ZMYM4: variants seen among roughly 807,000 people sequenced by gnomAD.
The protein encoded by ZMYM4 is zinc finger MYM-type containing 4.
Under a neutral mutation model 183.2 loss-of-function variants are expected in ZMYM4, and 31 were observed. The observed-to-expected ratio is 0.17, with a 90% CI of 0.13 to 0.23. ZMYM4 has a LOEUF of 0.23. Ranked by LOEUF, ZMYM4 falls within the 10% of genes least tolerant of loss-of-function variation. The pLI is 1.00. For missense variants in ZMYM4, 1,273 were observed against 1,840.3 expected, an observed-to-expected ratio of 0.69 and a Z score of 5.64; for synonymous variants, 592 against 631.2, an observed-to-expected ratio of 0.94 and a Z score of 0.93.
At chr1:35,416,662 C>T (rs529585013) in intron 28 of ZMYM4, among the ~76,000 whole-genome samples, 5 of 152,176 alleles carry the variant, frequency 3.3e-5, no homozygotes, top group African/African-American at 4.8e-5. Flanking sequence ...CTCCCAGGTT[C>T]AAGCAATTCT....
intron 1 of ZMYM4, among the ~76,000 whole-genome samples, chr1:35,273,765 A>G (rs942580031): frequency 2.6e-5 from 4 of 152,220 alleles, no homozygotes; most frequent in Non-Finnish European, 4.4e-5. Context: ...TGTGGAGGAC[A>G]CAGTTTGGGA....
intron 27 of ZMYM4, among the ~76,000 whole-genome samples, chr1:35,414,607 A>G (rs1019614283): frequency 6.6e-6 from 1 of 152,242 alleles, no homozygotes; most frequent in Non-Finnish European, 1.5e-5. Context: ...AATGATCTCC[A>G]ACAGGAGTTT....
chr1:35,344,630 A>G (rs954570902), intron 2 of ZMYM4, among the ~76,000 whole-genome samples: 3 of 151,970 alleles, frequency 2.0e-5, no homozygotes, highest in Non-Finnish European at 2.9e-5. Flanking sequence ...TGTTAATATG[A>G]AGATGAATTT....
intron 21 of ZMYM4, 94 bp downstream of exon 21, chr1:35,398,560 T>C (rs1570524566): frequency 8.5e-7 from 1 of 1,174,804 alleles, no homozygotes; most frequent in Non-Finnish European, 1.2e-6. Flanking sequence ...ATATTTGTAA[T>C]TTTAACTATT....
At chr1:35,372,753 T>G (rs989475973) in intron 7 of ZMYM4, among the ~76,000 whole-genome samples, 1 of 152,258 alleles carries the variant, frequency 6.6e-6, no homozygotes, top group African/African-American at 2.4e-5. Flanking sequence ...AATCTGAAAT[T>G]TAATGCTCCA....
intron 2 of ZMYM4, among the ~76,000 whole-genome samples, chr1:35,354,109 A>G (rs1643727297): frequency 6.6e-6 from 1 of 152,156 alleles, no homozygotes; most frequent in Non-Finnish European, 1.5e-5. Context: ...TGGTCATGCC[A>G]CTGCACTCCA....
intron 4 of ZMYM4, 145 bp downstream of exon 4, chr1:35,361,400 A>G: frequency 1.0e-6 from 1 of 957,156 alleles, no homozygotes; most frequent in Non-Finnish European, 1.5e-6. Context: ...TAAGGTCATC[A>G]TCGGAGACAT....
chr1:35,272,464 C>T (rs1460831145), intron 1 of ZMYM4, among the ~76,000 whole-genome samples: 1 of 152,050 alleles, frequency 6.6e-6, no homozygotes, highest in Non-Finnish European at 1.5e-5. Flanking sequence ...CTTTTTGCGT[C>T]TGGACATCTT....
At chr1:35,334,430 G>C (rs538461889) in intron 2 of ZMYM4, among the ~76,000 whole-genome samples, 1 of 152,258 alleles carries the variant, frequency 6.6e-6, no homozygotes, top group South Asian at 2.1e-4. Flanking sequence ...TTCCCAGTCT[G>C]ATGGATGTAA....
intron 1 of ZMYM4, chr1:35,310,181 C>T (rs1641731233): frequency 6.5e-6 from 1 of 154,612 alleles, no homozygotes; most frequent in Non-Finnish European, 1.4e-5. Context: ...AGTGATCTAC[C>T]TGCCTCGGCC....
At chr1:35,362,328 T>G (rs1369314461) in intron 5 of ZMYM4, among the ~76,000 whole-genome samples, 1 of 152,070 alleles carries the variant, frequency 6.6e-6, no homozygotes, top group Non-Finnish European at 1.5e-5. Flanking sequence ...GTAATAAGAG[T>G]GAAGGTAGAG....
intron 1 of ZMYM4, among the ~76,000 whole-genome samples, chr1:35,321,160 T>C (rs1642264870): frequency 1.3e-5 from 2 of 152,224 alleles, no homozygotes; most frequent in Admixed American, 6.5e-5. Flanking sequence ...TGATTCTTTA[T>C]AGCATTCCCA....
intron 2 of ZMYM4, among the ~76,000 whole-genome samples, chr1:35,354,098 G>A (rs188292917): frequency 2.0e-5 from 3 of 152,112 alleles, no homozygotes; most frequent in South Asian, 2.1e-4. Context: ...GCAATGAGCC[G>A]TGGTCATGCC....
intron 18 of ZMYM4, among the ~76,000 whole-genome samples, chr1:35,393,978 T>G (rs533073937): frequency 6.6e-6 from 1 of 152,134 alleles, no homozygotes; most frequent in Admixed American, 6.5e-5. Flanking sequence ...GTCATTTAAT[T>G]CTCTTATTAA....
chr1:35,319,667 A>G (rs933270511), intron 1 of ZMYM4, among the ~76,000 whole-genome samples: 1 of 152,216 alleles, frequency 6.6e-6, no homozygotes, highest in African/African-American at 2.4e-5. Context: ...GAAACTTGAA[A>G]AAAATGATTG....
intron 3 of ZMYM4, among the ~76,000 whole-genome samples, chr1:35,359,848 T>A (rs748134601): frequency 4.6e-5 from 7 of 152,018 alleles, no homozygotes; most frequent in Non-Finnish European, 7.4e-5. Context: ...TTTTTAATTT[T>A]AATTTAATTT....
intron 25 of ZMYM4, 139 bp from the exon 26 acceptor site, chr1:35,407,869 G>C (rs1645031945): frequency 1.9e-6 from 2 of 1,051,052 alleles, no homozygotes; most frequent in Non-Finnish European, 2.8e-6. Flanking sequence ...CTTGAGATCA[G>C]AATCTGTCTT....
At chr1:35,334,113 C>T (rs1013506648) in intron 2 of ZMYM4, among the ~76,000 whole-genome samples, 1 of 151,338 alleles carries the variant, frequency 6.6e-6, no homozygotes, top group East Asian at 1.9e-4. Flanking sequence ...CCCAGGAGTT[C>T]GAGACCAGCC....
Position 35,387,056 on chromosome 1 carries a change from G to A in ZMYM4, c.1890G>A (p.Gln630=). ...ATTCTTCAGTAGTGCCCTTGTCTCAGGGCCAAGTAATTGTAAGCATCCCCA... is the reference window on the plus strand; with the variant it reads ...ATTCTTCAGTAGTGCCCTTGTCTCAAGGCCAAGTAATTGTAAGCATCCCCA... ...GMNSSVVPLS[Q]GQVIVSIPTG... Residue 630 remains glutamine (Q), a synonymous_variant, in exon 12 of 30, where the codon CAG becomes CAA. Coordinates refer to ENST00000314607, the MANE Select transcript of ZMYM4 (RefSeq NM_005095.3). 1 of 1,614,188 alleles carries A rather than the reference G, an allele frequency of 6.2e-7. No homozygotes were observed. Among genetic ancestry groups the A allele is most frequent in the Non-Finnish European group, 8.5e-7 (1 of 1,180,024 alleles).
Sources: gnomAD v4.1 joint callset for allele counts (sites outside exome capture counted in the v4.1 genomes callset) on GRCh38, gnomAD v4.1.1 for gene constraint, MANE v1.5 for transcripts, NCBI Gene and HGNC (gene_info 2026-07-23, HGNC 2026-07-21) for gene names.